Variants in MYO19 observed in about 807,000 individuals in gnomAD.
The protein encoded by MYO19 is myosin XIX, also known as unconventional myosin-XIX.
A neutral mutation model predicts 129.2 loss-of-function variants in MYO19; 132 were observed. The ratio of observed to expected loss-of-function variants is 1.02; its 90% CI spans 0.89 to 1.18. The LOEUF (loss-of-function observed/expected upper bound fraction) is 1.18, where lower values mean the gene tolerates loss of function less well. MYO19 is among the 50% of genes most tolerant of loss of function. The probability of loss-of-function intolerance (pLI) is 0.00; values close to 1 mark genes in which losing one functional copy is unlikely to be tolerated. For missense variants in MYO19, 1,210 were observed against 1,216.7 expected, an observed-to-expected ratio of 0.99 and a Z score of 0.08; for synonymous variants, 531 against 477.2, an observed-to-expected ratio of 1.11 and a Z score of -1.47.
chr17:36,507,446 C>T lies in MYO19; in HGVS notation c.1420G>A (p.Asp474Asn), dbSNP rs760991903. ...CTGATGGGGCTTCCCTCAATGAGAT[C>T]CAAACAGGGCTGGTTGTCCTGGTAG... is the stretch of plus-strand genomic sequence containing the variant. ...INYQDNQPCLDLIEGSPISIC... is the reference protein window; with the variant it reads ...INYQDNQPCLNLIEGSPISIC... Residue 474 changes from aspartate (D) to asparagine (N), a missense_variant, in exon 16 of 26, where the codon GAT becomes AAT. Coordinates refer to ENST00000614623, the MANE Select transcript of MYO19 (RefSeq NM_001163735.2). The T allele has an allele frequency of 4.3e-6, 7 of 1,613,714 alleles. No individual in the cohort carries two copies. The highest frequency in any genetic ancestry group is 1.7e-6 in the Non-Finnish European group (2 of 1,179,878).
Position 36,496,193 on chromosome 17 carries a change from A to G in MYO19, c.*58T>C, listed in dbSNP as rs2070949308. 1.9e-6 allele frequency: 3 copies of G among 1,599,486 alleles called. No individual in the cohort carries two copies. The Admixed American group carries it at 5.0e-5, about 27-fold the overall frequency. On this transcript the variant is annotated 3_prime_UTR_variant, in exon 26 of 26. Transcript: ENST00000614623. The stretch of plus-strand genomic sequence containing the variant: ...AGTCTGGCAGCTGTGTGCTGATTAA[A>G]TGTCTTTGGCAAGGCAGGGGGCAGG...
chr17:36,506,506 G>A lies in MYO19; in HGVS notation c.1747C>T (p.Pro583Ser), dbSNP rs762924442. The change falls in exon 18 of 26, where the codon CCC becomes TCC. Residue 583 changes from proline to serine, a missense_variant. By Grantham distance (74) the Pro-to-Ser change is moderately conservative. Coordinates refer to ENST00000614623, the MANE Select transcript of MYO19 (RefSeq NM_001163735.2). ...ACAGGGGCCCTGCTCTGGCCAGGGGGTTCCTCCTGGGTCTTCTCTTTGGGG... is the reference window on the plus strand; with the variant it reads ...ACAGGGGCCCTGCTCTGGCCAGGGGATTCCTCCTGGGTCTTCTCTTTGGGG... The part of the protein sequence containing the change: ...TNPKEKTQEE[P>S]PGQSRAPVLT... The A allele has an allele frequency of 6.2e-7, 1 of 1,610,076 alleles. No individual in the cohort carries two copies. Among genetic ancestry groups the A allele is most frequent in the South Asian group, 1.1e-5 (1 of 90,594 alleles).
At chr17:36,496,595 G>A (rs1023403630) in intron 25 of MYO19, among the ~76,000 whole-genome samples, 189 bp from the exon 26 acceptor site, 3 of 152,090 alleles carry the variant, frequency 2.0e-5, no homozygotes, top group Admixed American at 6.5e-5. Flanking sequence ...AGGAGGAGGC[G>A]CTCCCTAAGA....
rs754328355 is a variant in MYO19, at chr17:36,510,779, C to T, written c.1124G>A (p.Arg375His). 6.2e-6 allele frequency: 10 copies of T among 1,607,902 alleles called. No homozygotes were observed. The highest frequency in any genetic ancestry group is 1.3e-5 in the African/African-American group (1 of 74,792). The change falls in exon 13 of 26, where the codon CGT (arginine) becomes CAT (histidine). Residue 375 changes from arginine to histidine, a missense_variant. By Grantham distance (29) the Arg-to-His change is conservative (BLOSUM62 0). Transcript: ENST00000614623. ...GATCAGTTTGGCCAGGCAGTCTCTA[C>T]GGGTGTCACACTCGGCTCGGGCGCA... ...KPCARAECDTRRDCLAKLIYA... is the reference protein window; with the variant it reads ...KPCARAECDTHRDCLAKLIYA...
intron 11 of MYO19, 73 bp from the exon 12 acceptor site, chr17:36,511,528 G>T: frequency 7.4e-7 from 1 of 1,344,980 alleles, no homozygotes; most frequent in Non-Finnish European, 1.0e-6. Context: ...GGGCCGTTCT[G>T]CTGAGTACAA....
In MYO19 at chr17:36,499,099, G is replaced by C. The variant is rs758592922; in HGVS notation, c.2439C>G (p.Ile813Met). ...IQRLHAAATV[I>M]KRAWQKWRIR... ...CTCTCCACTTCTGCCATGCACGCTT[G>C]ATGACTGTGGCAGCTGCATGCAGCC... is the stretch of plus-strand genomic sequence containing the variant. The change falls in exon 24 of 26, where the codon ATC becomes ATG. Residue 813 changes from isoleucine to methionine, a missense_variant. Coordinates refer to ENST00000614623, the MANE Select transcript of MYO19 (RefSeq NM_001163735.2). The C allele has an allele frequency of 3.1e-6, 5 of 1,610,168 alleles. No homozygotes were observed. In the South Asian group the frequency reaches 5.5e-5, roughly 18 times the overall value.
Position 36,507,808 on chromosome 17 carries a change from G to A in MYO19, c.1348C>T (p.Gln450Ter), listed in dbSNP as rs1354487477. The A allele has an allele frequency of 6.2e-7, 1 of 1,609,846 alleles. No homozygotes were observed. The change falls in exon 15 of 26, where the codon CAG (glutamine) becomes TAG (stop). Residue 450 changes from glutamine (Q) to a stop codon, truncating the protein, a stop_gained. Transcript: ENST00000614623. LOFTEE classifies it high-confidence loss of function. ...CTGCTCACCCCATCCCTCACCTGCT[G>A]GGCCCTTAGGTAGTGAGCCACAAAA... ...QHFVAHYLRA[Q>*]QEEYAVEGLE...
Position 36,507,229 on chromosome 17 carries a change from A to T in MYO19, c.1468-90T>A. On this transcript the variant is annotated intron_variant, in intron 16 of 25. Transcript: ENST00000614623. Reference sequence around the variant, plus strand: ...CCCACCCTGTGGACCCCATGACAGCAGACATCACACAGGCATCATAGTGTC... The same window carrying T: ...CCCACCCTGTGGACCCCATGACAGCTGACATCACACAGGCATCATAGTGTC... 3 of 1,531,418 alleles carry T rather than the reference A, an allele frequency of 2.0e-6. No individual in the cohort carries two copies. The Admixed American group carries it at 5.5e-5, about 28-fold the overall frequency. 94.9% of individuals were successfully genotyped at this position (1,531,418 alleles called of 1,614,324 possible). A position where few individuals can be genotyped will look rare whatever the true frequency, so the allele number is the denominator to read the frequency against.
intron 16 of MYO19, 68 bp from the exon 17 acceptor site, chr17:36,507,207 A>T (rs1292164993): frequency 6.4e-7 from 1 of 1,556,540 alleles, no homozygotes; most frequent in African/African-American, 1.4e-5. Flanking sequence ...CACTGTCCCC[A>T]CCCTGTGGAC....
chr17:36,505,611 C>T (rs925671992), intron 18 of MYO19, among the ~76,000 whole-genome samples: 1 of 152,242 alleles, frequency 6.6e-6, no homozygotes, highest in Non-Finnish European at 1.5e-5. Flanking sequence ...TGCTCCTCAC[C>T]TCTGTCTTAA....
At chr17:36,523,295 C>T (rs1458041206) in intron 6 of MYO19, among the ~76,000 whole-genome samples, 1 of 152,068 alleles carries the variant, frequency 6.6e-6, no homozygotes. Flanking sequence ...AGCAAAGAAG[C>T]TTCCATGCAA....
chr17:36,497,595 T>C, intron 25 of MYO19: 1 of 979,388 alleles, frequency 1.0e-6, no homozygotes, highest in South Asian at 4.7e-5. Flanking sequence ...CAAACTTTTT[T>C]TTTTTTTTAG....
upstream of MYO19, chr17:36,538,067 A>G (rs754169928): frequency 9.9e-6 from 16 of 1,614,092 alleles, no homozygotes; most frequent in Admixed American, 3.3e-5. Flanking sequence ...GTGTGCAAAC[A>G]GGGTTATATA....
chr17:36,515,285 C>A, intron 7 of MYO19, 103 bp from the exon 8 acceptor site: 1 of 967,114 alleles, frequency 1.0e-6, no homozygotes, highest in Non-Finnish European at 1.5e-6. Context: ...GTGCTCAAGT[C>A]ACCTAAAGGC....
rs553350953 is a variant in MYO19, at chr17:36,508,258, G to A, written c.1232-334C>T. 8.0e-5 allele frequency: 17 copies of A among 211,498 alleles called. No individual in the cohort carries two copies. The South Asian group carries it at 2.7e-3, about 33-fold the overall frequency. 13.1% of individuals were successfully genotyped at this position (211,498 alleles called of 1,614,324 possible). ...TCCTATGAGGAAACCAGGTCCCAGG[G>A]AACATTTTCTGTGTTAAATCTAGTT... On this transcript the variant is annotated intron_variant, in intron 14 of 25. Coordinates refer to ENST00000614623, the MANE Select transcript of MYO19 (RefSeq NM_001163735.2).
chr17:36,504,366 ACT>A (rs2071737676), intron 19 of MYO19: 2 of 263,788 alleles, frequency 7.6e-6, no homozygotes, highest in Non-Finnish European at 1.4e-5. Context: ...GATTGTTTTC[ACT>A]GTCTGCAGGC....
upstream of MYO19, among the ~76,000 whole-genome samples, chr17:36,536,774 C>T (rs1377697027): frequency 2.6e-5 from 4 of 152,146 alleles, no homozygotes; most frequent in African/African-American, 4.8e-5. Flanking sequence ...CTCGGCCTCC[C>T]GAAGTGCTAG....
At position 36,503,042 on chromosome 17, in the gene MYO19, T is replaced by C. The variant is rs899248553; in HGVS notation, c.2080+55A>G. ...CCTAGCCCTAAGACAGGGCACAGGG[T>C]AGATGCTCAGTAAACTGTGGTTGCA... On this transcript the variant is annotated intron_variant, in intron 21 of 25. Coordinates refer to ENST00000614623, the MANE Select transcript of MYO19 (RefSeq NM_001163735.2). The C allele has an allele frequency of 2.6e-5, 37 of 1,431,540 alleles. No homozygotes were observed. In the African/African-American group the frequency reaches 4.3e-4, roughly 17 times the overall value. 88.7% of individuals were successfully genotyped at this position (1,431,540 alleles called of 1,614,324 possible). A position where few individuals can be genotyped will look rare whatever the true frequency, so the allele number is the denominator to read the frequency against.
At chr17:36,501,005 C>A (rs1368785234) in intron 22 of MYO19, 46 bp from the exon 23 acceptor site, 1 of 1,604,280 alleles carries the variant, frequency 6.2e-7, no homozygotes, top group Non-Finnish European at 8.5e-7. Context: ...CTCCCCCTGC[C>A]CCCTCCTGCT....
Sources: allele counts gnomAD v4.1 joint callset (sites outside exome capture counted in the v4.1 genomes callset), GRCh38; gene constraint gnomAD v4.1.1; transcripts MANE v1.5; gene names NCBI Gene and HGNC (gene_info 2026-07-23, HGNC 2026-07-21).